SLC8A1: variants seen among roughly 807,000 people sequenced by gnomAD.
SLC8A1 encodes the protein solute carrier family 8 member A1.
A neutral mutation model predicts 68.3 loss-of-function variants in SLC8A1; 18 were observed. That is an observed-to-expected ratio of 0.26 (90% CI 0.18 to 0.39). SLC8A1 has a LOEUF of 0.39. SLC8A1 is among the 10% of genes least tolerant of loss of function. The pLI is 1.00. For missense variants in SLC8A1, 985 were observed against 1,156.7 expected (o/e 0.85, Z 2.15); for synonymous variants, 475 against 415.5 (o/e 1.14, Z -1.74).
intron 2 of SLC8A1, among the ~76,000 whole-genome samples, chr2:40,316,199 G>C (rs1276763465): frequency 6.6e-6 from 1 of 152,014 alleles, no homozygotes; most frequent in Non-Finnish European, 1.5e-5. Context: ...TATAAGCCTG[G>C]ATCCAATCAC....
intron 6 of SLC8A1, among the ~76,000 whole-genome samples, chr2:40,140,262 AATTT>A (rs2041295580): frequency 6.6e-6 from 1 of 152,140 alleles, no homozygotes; most frequent in African/African-American, 2.4e-5. Context: ...CAAAAAATGA[AATTT>A]ATTTGCATTT....
In SLC8A1 at chr2:40,301,957, G is replaced by A. The variant is rs879848855; in HGVS notation, c.1809-124102C>T. ...AGCTCACTGCAACCTCTGACTCCTG[G>A]GTTCAAGCAATTCTCCTGCCTCAGC... On this transcript the variant is annotated intron_variant, in intron 2 of 7. Coordinates refer to ENST00000406785, the Ensembl canonical transcript of SLC8A1. Among the ~76,000 whole-genome samples, 6 of 151,278 alleles carry A rather than the reference G, an allele frequency of 4.0e-5. 1 individual carries two copies. Among genetic ancestry groups the A allele is most frequent in the Admixed American group, 3.3e-4 (5 of 15,146 alleles).
intron 2 of SLC8A1, among the ~76,000 whole-genome samples, chr2:40,410,666 A>G (rs1449476112): frequency 6.6e-6 from 1 of 152,150 alleles, no homozygotes. Context: ...TAATTAACGT[A>G]TGCATTACTT....
At chr2:40,432,047 A>G (rs759017988) in intron 1 of SLC8A1, among the ~76,000 whole-genome samples, 4 of 152,156 alleles carry the variant, frequency 2.6e-5, no homozygotes, top group Non-Finnish European at 5.9e-5. Flanking sequence ...AAAATATGCA[A>G]AAGTTCTGGT....
intron 2 of SLC8A1, among the ~76,000 whole-genome samples, chr2:40,380,767 G>A (rs1300440000): frequency 6.6e-6 from 1 of 152,030 alleles, no homozygotes; most frequent in African/African-American, 2.4e-5. Flanking sequence ...TTTTCACAAA[G>A]GAAAAGGAGA....
At chr2:40,116,373 T>C (rs1179265934) in intron 7 of SLC8A1, among the ~76,000 whole-genome samples, 1 of 152,180 alleles carries the variant, frequency 6.6e-6, no homozygotes, top group Non-Finnish European at 1.5e-5. Flanking sequence ...GCAGGTTAGT[T>C]ACATATGTAT....
intron 2 of SLC8A1, among the ~76,000 whole-genome samples, chr2:40,394,821 G>T (rs1686420629): frequency 6.6e-6 from 1 of 152,068 alleles, no homozygotes; most frequent in Non-Finnish European, 1.5e-5. Context: ...GCTTGGGGAA[G>T]TTGAAGGCCA....
At chr2:40,136,133 T>C (rs552824706) in intron 7 of SLC8A1, among the ~76,000 whole-genome samples, 1 of 152,260 alleles carries the variant, frequency 6.6e-6, no homozygotes, top group East Asian at 1.9e-4. Flanking sequence ...CATTTAAAGG[T>C]GGGAAGAGGC....
chr2:40,209,739 C>T (rs775039061), intron 2 of SLC8A1, among the ~76,000 whole-genome samples: 16 of 151,970 alleles, frequency 1.1e-4, no homozygotes, highest in Non-Finnish European at 2.2e-4. Flanking sequence ...TGGGAGTCTG[C>T]GGAGAGTCTC....
At chr2:40,367,926 C>G (rs1456105406) in intron 2 of SLC8A1, among the ~76,000 whole-genome samples, 1 of 152,042 alleles carries the variant, frequency 6.6e-6, no homozygotes, top group Middle Eastern at 3.2e-3. Flanking sequence ...TTACAGGACA[C>G]TTGGTATTTT....
intron 2 of SLC8A1, among the ~76,000 whole-genome samples, chr2:40,201,047 G>A (rs1052687873): frequency 4.6e-5 from 7 of 150,750 alleles, no homozygotes. Context: ...AAGTAAGGGC[G>A]AGAATTATAA....
intron 2 of SLC8A1, among the ~76,000 whole-genome samples, chr2:40,229,791 G>A (rs182589592): frequency 5.9e-5 from 9 of 152,218 alleles, no homozygotes; most frequent in Admixed American, 2.6e-4. Flanking sequence ...CCTGTATTGT[G>A]TGCTTGGTTC....
At chr2:40,146,200 A>G (rs1192210894) in intron 6 of SLC8A1, among the ~76,000 whole-genome samples, 1 of 152,188 alleles carries the variant, frequency 6.6e-6, no homozygotes, top group Non-Finnish European at 1.5e-5. Flanking sequence ...CTACCAACTG[A>G]AACGTGGGTC....
chr2:40,133,938 G>A (rs966477179), intron 7 of SLC8A1, among the ~76,000 whole-genome samples: 16 of 152,038 alleles, frequency 1.1e-4, no homozygotes, highest in African/African-American at 3.9e-4. Flanking sequence ...AAAAAAGGCT[G>A]GGCTCCAAAT....
intron 2 of SLC8A1, among the ~76,000 whole-genome samples, chr2:40,206,732 A>T (rs2055527681): frequency 6.6e-6 from 1 of 152,030 alleles, no homozygotes; most frequent in Admixed American, 6.6e-5. Context: ...CACCCCTACG[A>T]TCTACATGGT....
chr2:40,332,978 T>C (rs1001359731), intron 2 of SLC8A1, among the ~76,000 whole-genome samples: 5 of 152,222 alleles, frequency 3.3e-5, no homozygotes, highest in African/African-American at 1.2e-4. Context: ...CACAATGCAA[T>C]ACAAGCTGAA....
intron 7 of SLC8A1, among the ~76,000 whole-genome samples, chr2:40,129,562 G>A (rs2038901845): frequency 1.3e-5 from 2 of 152,242 alleles, no homozygotes; most frequent in African/African-American, 4.8e-5. Flanking sequence ...TGAAAAGGGA[G>A]AAATAAAAGT....
At chr2:40,148,924 T>C (rs1438547788) in intron 6 of SLC8A1, among the ~76,000 whole-genome samples, 1 of 152,214 alleles carries the variant, frequency 6.6e-6, no homozygotes, top group Non-Finnish European at 1.5e-5. Context: ...CAATCTTGTT[T>C]GTCTGTCTGC....
At chr2:40,313,169 AAATAG>A (rs2073969852) in intron 2 of SLC8A1, among the ~76,000 whole-genome samples, 1 of 152,100 alleles carries the variant, frequency 6.6e-6, no homozygotes, top group Non-Finnish European at 1.5e-5. Flanking sequence ...AATTTTACAC[AAATAG>A]AATAATCCAT....
Sources: gnomAD v4.1 joint callset for allele counts (sites outside exome capture counted in the v4.1 genomes callset) on GRCh38, gnomAD v4.1.1 for gene constraint, MANE v1.5 for transcripts, NCBI Gene and HGNC (gene_info 2026-07-23, HGNC 2026-07-21) for gene names.